The following LEF1 variants were observed in gnomAD, a reference collection of about 807,000 sequenced individuals.
LEF1 encodes the protein lymphoid enhancer-binding factor 1.
Under a neutral mutation model 51.2 loss-of-function variants are expected in LEF1, and 14 were observed. The ratio of observed to expected loss-of-function variants is 0.27; its 90% CI spans 0.18 to 0.43. The LOEUF (loss-of-function observed/expected upper bound fraction) is 0.43. Ranked by LOEUF, LEF1 falls within the 20% of genes least tolerant of loss-of-function variation. The pLI is 1.00. For synonymous variants in LEF1, 185 were observed against 183.2 expected (o/e 1.01, Z -0.08); for missense variants, 386 against 512.0 (o/e 0.75, Z 2.37).
intron 3 of LEF1, among the ~76,000 whole-genome samples, chr4:108,151,846 G>T (rs1390147642): frequency 5.9e-5 from 9 of 152,128 alleles, no homozygotes; most frequent in Admixed American, 2.6e-4. Context: ...ATTTTTAAGA[G>T]ATTCCATTTA....
chr4:108,139,971 C>T (rs1423103056), intron 3 of LEF1, among the ~76,000 whole-genome samples: 2 of 152,100 alleles, frequency 1.3e-5, no homozygotes, highest in Non-Finnish European at 2.9e-5. Context: ...TGGGGACTTT[C>T]TAGCTCTCCT....
intron 3 of LEF1, among the ~76,000 whole-genome samples, chr4:108,133,959 G>A (rs6821836): frequency 0.034 from 5,170 of 152,150 alleles, 281 homozygotes; most frequent in African/African-American, 0.12. Context: ...GGGGCTGCAC[G>A]TCTTACAACT....
chr4:108,152,083 G>A (rs1744388560), intron 3 of LEF1, among the ~76,000 whole-genome samples: 1 of 152,174 alleles, frequency 6.6e-6, no homozygotes, highest in Non-Finnish European at 1.5e-5. Flanking sequence ...TGGCTACAGA[G>A]CTCTGAGGGA....
At position 108,056,513 on chromosome 4, in the gene LEF1, G is replaced by A. The variant is rs574328093; in HGVS notation, c.*6+7110C>T. Among the ~76,000 whole-genome samples the A allele has an allele frequency of 4.6e-5, 7 of 152,334 alleles. No homozygotes were observed. In the South Asian group the frequency reaches 1.4e-3, roughly 32 times the overall value. On this transcript the variant is annotated intron_variant, in intron 11 of 11. Transcript: ENST00000265165. ...AACAATGGCCAGGATGTGAAAAACT[G>A]CAGTCCACGCATAACTGAGTCTAAC...
At chr4:108,115,491 C>T (rs1741777048) in intron 3 of LEF1, among the ~76,000 whole-genome samples, 1 of 152,256 alleles carries the variant, frequency 6.6e-6, no homozygotes, top group South Asian at 2.1e-4. Flanking sequence ...GAATTGGTAA[C>T]TCTGAGCTCT....
In LEF1 at chr4:108,048,554, G is replaced by A. The variant is rs1039261339; in HGVS notation, c.*204C>T. ...AACTTGGCTCTTGCAGTAGACGAAA[G>A]AGGGGTTGGCAGTGATTGTCTTTAT... On this transcript the variant is annotated 3_prime_UTR_variant, in exon 12 of 12. Transcript: ENST00000265165. 4.9e-5 allele frequency: 26 copies of A among 526,684 alleles called. No homozygotes were observed. Among genetic ancestry groups the A allele is most frequent in the Non-Finnish European group, 7.4e-5 (23 of 311,946 alleles). 32.6% of individuals were successfully genotyped at this position (526,684 alleles called of 1,614,324 possible). A position where few individuals can be genotyped will look rare whatever the true frequency, so the allele number is the denominator to read the frequency against.
intron 4 of LEF1, among the ~76,000 whole-genome samples, chr4:108,083,860 T>C (rs1350092775): frequency 9.9e-5 from 15 of 152,204 alleles, no homozygotes; most frequent in Non-Finnish European, 1.5e-5. Flanking sequence ...ATTAGGTAAA[T>C]TGCCATTTTC....
At chr4:108,087,529 C>T (rs1221070123) in intron 4 of LEF1, among the ~76,000 whole-genome samples, 3 of 152,020 alleles carry the variant, frequency 2.0e-5, no homozygotes, top group African/African-American at 7.2e-5. Flanking sequence ...ATAAGCGTAA[C>T]TGAGAGCCAG....
chr4:108,102,582 G>T (rs1204752915), intron 3 of LEF1, among the ~76,000 whole-genome samples: 1 of 152,186 alleles, frequency 6.6e-6, no homozygotes, highest in East Asian at 1.9e-4. Flanking sequence ...AGAGTCAGTT[G>T]CATAGACATA....
intron 8 of LEF1, among the ~76,000 whole-genome samples, chr4:108,072,421 G>A (rs538994523): frequency 1.3e-5 from 2 of 152,344 alleles, no homozygotes; most frequent in South Asian, 4.1e-4. Flanking sequence ...AACCACCAGT[G>A]CGAGAAGCAG....
rs956197808 is a variant in LEF1 at position 108,167,956 on chromosome 4, C to G, written c.-189G>C. The stretch of plus-strand genomic sequence containing the variant: ...CAGCCGGAGCAGCTGCCGCGGCGCC[C>G]GAATCCCGGCGGCCGCCGCGCTTTC... On this transcript the variant is annotated 5_prime_UTR_variant, in exon 1 of 12. Coordinates refer to ENST00000265165, the MANE Select transcript of LEF1 (RefSeq NM_016269.5). The surrounding 1 kb of genome is among the most constrained non-coding windows in gnomAD (Gnocchi z 5.7). 20 of 305,524 alleles carry G rather than the reference C, an allele frequency of 6.5e-5. No homozygotes were observed. Among genetic ancestry groups the G allele is most frequent in the African/African-American group, 4.0e-4 (18 of 45,210 alleles). The allele number at this position is 305,524 out of a possible 1,614,324, so 18.9% of individuals were successfully genotyped here.
chr4:108,095,366 A>C (rs1740313419), intron 3 of LEF1, among the ~76,000 whole-genome samples: 1 of 152,228 alleles, frequency 6.6e-6, no homozygotes, highest in African/African-American at 2.4e-5. Context: ...TTACCCCCAT[A>C]TTTATAGATG....
chr4:108,167,015 G>A lies in LEF1; in HGVS notation c.213+540C>T, dbSNP rs1351456963. 6.6e-6 allele frequency among the ~76,000 whole-genome samples: 1 copy of A among 152,046 alleles called. No homozygotes were observed. The highest frequency in any genetic ancestry group is 1.5e-5 in the Non-Finnish European group (1 of 67,990). ...GCTCCCCGCGGCCCGGCTCACCGGTGGTAGGGACGGCCCCGCCTGCCCCAG... is the reference window on the plus strand; with the variant it reads ...GCTCCCCGCGGCCCGGCTCACCGGTAGTAGGGACGGCCCCGCCTGCCCCAG... On this transcript the variant is annotated intron_variant, in intron 1 of 11. Coordinates refer to ENST00000265165, the MANE Select transcript of LEF1 (RefSeq NM_016269.5). The surrounding 1 kb of genome is among the most constrained non-coding windows in gnomAD (Gnocchi z 5.7).
intron 8 of LEF1, among the ~76,000 whole-genome samples, chr4:108,074,919 CA>C (rs139056969): frequency 4.0e-4 from 61 of 152,304 alleles, no homozygotes; most frequent in African/African-American, 1.5e-3. Flanking sequence ...ACTGGAGGGC[CA>C]GGGGGCCCTT....
At chr4:108,096,150 C>T (rs953152904) in intron 3 of LEF1, among the ~76,000 whole-genome samples, 2 of 152,048 alleles carry the variant, frequency 1.3e-5, no homozygotes, top group African/African-American at 2.4e-5. Context: ...ACAAGTAAGG[C>T]ATTACAGTGG....
At chr4:108,095,011 A>C (rs1740290720) in intron 3 of LEF1, among the ~76,000 whole-genome samples, 1 of 152,208 alleles carries the variant, frequency 6.6e-6, no homozygotes, top group Non-Finnish European at 1.5e-5. Flanking sequence ...CTCAGAAACA[A>C]GGTACTGGAA....
intron 3 of LEF1, among the ~76,000 whole-genome samples, chr4:108,117,176 C>T (rs546669727): frequency 2.0e-5 from 3 of 152,204 alleles, no homozygotes; most frequent in Admixed American, 2.0e-4. Flanking sequence ...CCTAATACTG[C>T]CACCCAGAAA....
chr4:108,081,725 T>G (rs900340129), intron 5 of LEF1, 56 bp from the exon 6 acceptor site: 3 of 1,261,768 alleles, frequency 2.4e-6, no homozygotes, highest in Non-Finnish European at 3.5e-6. Flanking sequence ...TACCAACCAG[T>G]AGTAAGAGTT....
Position 108,079,493 on chromosome 4 carries a change from C to A in LEF1, c.844G>T (p.Val282Leu). The change falls in exon 7 of 12, where the codon GTG (valine) becomes TTG (leucine). Residue 282 changes from valine to leucine, a missense_variant and splice_region_variant. Coordinates refer to ENST00000265165, the MANE Select transcript of LEF1 (RefSeq NM_016269.5). Reference sequence around the variant, plus strand: ...AGCAGAGCCCGGGTGGATACTTACACGTGCATTAGGTCACTGTCAGTGTGG... The same window carrying A: ...AGCAGAGCCCGGGTGGATACTTACAAGTGCATTAGGTCACTGTCAGTGTGG... Reference protein sequence around the residue: ...HPHTDSDLMHVKPQHEQRKEQ... With the variant: ...HPHTDSDLMHLKPQHEQRKEQ... 6.2e-7 allele frequency: 1 copy of A among 1,614,076 alleles called. No homozygotes were observed. The highest frequency in any genetic ancestry group is 1.1e-5 in the South Asian group (1 of 91,074).
Sources: gnomAD v4.1 joint callset for allele counts (sites outside exome capture counted in the v4.1 genomes callset) on GRCh38, gnomAD v4.1.1 for gene constraint, Gnocchi (gnomAD v3.1) non-coding constraint, MANE v1.5 for transcripts, NCBI Gene and HGNC (gene_info 2026-07-23, HGNC 2026-07-21) for gene names.